DNAH14: variants seen among roughly 807,000 people sequenced by gnomAD.
DNAH14 encodes the protein dynein axonemal heavy chain 14, also known as axonemal beta dynein heavy chain 14.
A neutral mutation model predicts 520.9 loss-of-function variants in DNAH14; 478 were observed. The observed-to-expected ratio is 0.92, with a 90% CI of 0.85 to 0.99. The LOEUF (loss-of-function observed/expected upper bound fraction) is 0.99, where lower values mean the gene tolerates loss of function less well. Ranked by LOEUF, DNAH14 falls within the 50% of genes least tolerant of loss-of-function variation. DNAH14 has a pLI of 0.00. For missense variants in DNAH14, 4,831 were observed against 5,234.5 expected, an observed-to-expected ratio of 0.92 and a Z score of 2.38; for synonymous variants, 1,581 against 1,757.2, an observed-to-expected ratio of 0.90 and a Z score of 2.51.
intron 54 of DNAH14, among the ~76,000 whole-genome samples, chr1:225,280,455 C>T (rs540428042): frequency 8.3e-4 from 126 of 151,856 alleles, no homozygotes; most frequent in Admixed American, 2.0e-3. Flanking sequence ...AAAAATTAGC[C>T]GGGCATGGTG....
chr1:225,001,635 A>T (rs1558646335), intron 8 of DNAH14, among the ~76,000 whole-genome samples: 1 of 152,136 alleles, frequency 6.6e-6, no homozygotes, highest in Non-Finnish European at 1.5e-5. Flanking sequence ...CTATGTTGAA[A>T]TATGCAAACC....
chr1:225,297,157 G>A (rs991344426), intron 55 of DNAH14, among the ~76,000 whole-genome samples: 1 of 151,854 alleles, frequency 6.6e-6, no homozygotes, highest in African/African-American at 2.4e-5. Context: ...TATTGTAGAA[G>A]CTCTCAATTG....
intron 17 of DNAH14, among the ~76,000 whole-genome samples, chr1:225,077,667 C>T (rs1441843825): frequency 6.6e-6 from 1 of 152,110 alleles, no homozygotes; most frequent in African/African-American, 2.4e-5. Context: ...ATAAGTTTAT[C>T]AGAATAAAGC....
intron 17 of DNAH14, among the ~76,000 whole-genome samples, chr1:225,054,219 A>G (rs559053768): frequency 7.4e-4 from 112 of 152,344 alleles, no homozygotes; most frequent in South Asian, 1.5e-3. Context: ...GCGTAGAAAT[A>G]TAAAAGCAGC....
intron 35 of DNAH14, among the ~76,000 whole-genome samples, chr1:225,163,137 CAAAAAAA>C (rs34356854): frequency 1.1e-3 from 61 of 53,688 alleles, no homozygotes; most frequent in East Asian, 6.4e-3. Flanking sequence ...GACCCTATCT[CAAAAAAA>C]AAAAAAAAAA....
At position 225,193,955 on chromosome 1, in the gene DNAH14, CA is replaced by C. The variant is rs2085780111; in HGVS notation, c.5886+1050del. ...AACACAATCTCATTCACCGTAGCCA[CA>C]AAAAAGTAAAATACCCAGGAATACA... On this transcript the variant is annotated intron_variant, in intron 38 of 85. Coordinates refer to ENST00000682510, the MANE Select transcript of DNAH14 (RefSeq NM_001367479.1). Among the ~76,000 whole-genome samples the C allele has an allele frequency of 2.6e-5, 4 of 151,902 alleles. No individual in the cohort carries two copies. In the South Asian group the frequency reaches 8.3e-4, roughly 32 times the overall value.
chr1:225,233,356 G>A (rs2149584277), intron 42 of DNAH14, among the ~76,000 whole-genome samples: 1 of 152,254 alleles, frequency 6.6e-6, no homozygotes, highest in African/African-American at 2.4e-5. Flanking sequence ...TGGTATTTCT[G>A]CCTCTAGGTC....
Position 225,380,338 on chromosome 1 carries a change from G to A in DNAH14, c.12880+16G>A. On this transcript the variant is annotated intron_variant, in intron 80 of 85. Coordinates refer to ENST00000682510, the MANE Select transcript of DNAH14 (RefSeq NM_001367479.1). The stretch of plus-strand genomic sequence containing the variant: ...AATCTCAAAGGTGAGCATGGGACAG[G>A]AGCTTTTTCCCCTTACCTCACTCTC... 1.3e-6 allele frequency: 2 copies of A among 1,545,164 alleles called. No homozygotes were observed. Among genetic ancestry groups the A allele is most frequent in the Non-Finnish European group, 1.7e-6 (2 of 1,143,760 alleles).
At chr1:225,324,663 T>C (rs2094618794) in intron 63 of DNAH14, 74 bp from the exon 64 acceptor site, 1 of 1,303,256 alleles carries the variant, frequency 7.7e-7, no homozygotes, top group African/African-American at 1.5e-5. Context: ...GTAAATGTCT[T>C]TCAAATATAA....
chr1:225,371,146 G>T (rs1478349469), intron 77 of DNAH14, among the ~76,000 whole-genome samples: 1 of 152,078 alleles, frequency 6.6e-6, no homozygotes, highest in Non-Finnish European at 1.5e-5. Context: ...GTTTTAATAT[G>T]AATACCTGAA....
At chr1:225,064,731 A>G (rs939199008) in intron 17 of DNAH14, among the ~76,000 whole-genome samples, 3 of 152,048 alleles carry the variant, frequency 2.0e-5, no homozygotes, top group South Asian at 4.1e-4. Flanking sequence ...ATCTATAGCA[A>G]CAATAACTAG....
chr1:225,392,954 G>T (rs1042236371), intron 84 of DNAH14, among the ~76,000 whole-genome samples: 2 of 152,146 alleles, frequency 1.3e-5, no homozygotes, highest in Admixed American at 6.5e-5. Flanking sequence ...CCAGCCAGGT[G>T]CACCGTGCAC....
At chr1:224,959,797 C>G (rs1314302254) in intron 3 of DNAH14, among the ~76,000 whole-genome samples, 1 of 152,128 alleles carries the variant, frequency 6.6e-6, no homozygotes, top group Non-Finnish European at 1.5e-5. Flanking sequence ...ACTTTTGTAT[C>G]AACCTAATAA....
chr1:225,202,986 G>T (rs2087055884), intron 38 of DNAH14, among the ~76,000 whole-genome samples: 1 of 152,208 alleles, frequency 6.6e-6, no homozygotes, highest in Non-Finnish European at 1.5e-5. Flanking sequence ...CCTAGTGAGG[G>T]TGTGTGTTTG....
intron 8 of DNAH14, among the ~76,000 whole-genome samples, chr1:224,999,994 G>C (rs2063646821): frequency 6.6e-6 from 1 of 152,070 alleles, no homozygotes; most frequent in African/African-American, 2.4e-5. Flanking sequence ...TGTTTATCAT[G>C]TTCTTTCTTC....
chr1:225,383,446 C>T (rs925712532), intron 81 of DNAH14, among the ~76,000 whole-genome samples: 6 of 152,110 alleles, frequency 3.9e-5, no homozygotes, highest in African/African-American at 9.7e-5. Flanking sequence ...TAGCAAGCCC[C>T]GTGGTGAAAC....
In DNAH14 at chr1:225,010,537, G is replaced by A. The variant is rs562921618; in HGVS notation, c.1107+2993G>A. 2.6e-5 allele frequency among the ~76,000 whole-genome samples: 4 copies of A among 152,172 alleles called. No individual in the cohort carries two copies. The East Asian group carries it at 7.7e-4, about 29-fold the overall frequency. Reference sequence around the variant, plus strand: ...GATTTTTGCATCGATGTTCATCAGGGATATTGGCCTGAAATTTTCTTTTTT... The same window carrying A: ...GATTTTTGCATCGATGTTCATCAGGAATATTGGCCTGAAATTTTCTTTTTT... On this transcript the variant is annotated intron_variant, in intron 10 of 85. Coordinates refer to ENST00000682510, the MANE Select transcript of DNAH14 (RefSeq NM_001367479.1).
chr1:225,277,629 G>A (rs548292034), intron 54 of DNAH14, 127 bp downstream of exon 54: 3 of 389,702 alleles, frequency 7.7e-6, no homozygotes, highest in African/African-American at 4.2e-5. Flanking sequence ...CTGAGTCATA[G>A]GGCAGGACTC....
At chr1:225,149,022 T>G (rs552115572) in intron 31 of DNAH14, among the ~76,000 whole-genome samples, 1 of 152,340 alleles carries the variant, frequency 6.6e-6, no homozygotes, top group Non-Finnish European at 1.5e-5. Context: ...CATGAAATCT[T>G]GGCCCATTCC....
Sources: allele counts gnomAD v4.1 joint callset (sites outside exome capture counted in the v4.1 genomes callset), GRCh38; gene constraint gnomAD v4.1.1; transcripts MANE v1.5; gene names NCBI Gene and HGNC (gene_info 2026-07-23, HGNC 2026-07-21).